Variants in CIDEB observed in about 807,000 individuals in gnomAD.
CIDEB encodes lipid transferase CIDEB.
CIDEB carries 27 observed loss-of-function variants against 22.4 expected under a neutral mutation model. The observed-to-expected ratio is 1.21, with a 90% CI of 0.89 to 1.66. CIDEB has a LOEUF of 1.66. Among genes scored for constraint, CIDEB ranks in the 40% most tolerant of loss-of-function variants. The pLI is 0.00. For missense variants in CIDEB, 289 were observed against 268.7 expected, an observed-to-expected ratio of 1.08 and a Z score of -0.53; for synonymous variants, 103 against 109.5, an observed-to-expected ratio of 0.94 and a Z score of 0.37.
At position 24,305,363 on chromosome 14, in the gene CIDEB, A is replaced by T. The variant is rs2041464101; in HGVS notation, c.*270T>A. The stretch of plus-strand genomic sequence containing the variant: ...TAGCAGCAGTCAGGCTGGGATCAAG[A>T]TGCCTGGGGGACATCTTGATCTTGG... On this transcript the variant is annotated 3_prime_UTR_variant, in exon 5 of 5. Transcript: ENST00000554411. 2 of 564,382 alleles carry T rather than the reference A, an allele frequency of 3.5e-6. No homozygotes were observed. Among genetic ancestry groups the T allele is most frequent in the Admixed American group, 3.7e-5 (1 of 27,336 alleles). 35.0% of individuals were successfully genotyped at this position (564,382 alleles called of 1,614,324 possible).
chr14:24,306,606 T>A lies in CIDEB; in HGVS notation c.187-83A>T, dbSNP rs1488273341. 4.5e-6 allele frequency: 7 copies of A among 1,571,430 alleles called. No individual in the cohort carries two copies. The South Asian group carries it at 6.7e-5, about 15-fold the overall frequency. On this transcript the variant is annotated intron_variant, in intron 2 of 4. Transcript: ENST00000554411. ...AGCTGCCCAACATCCATCAGTTGGC[T>A]CTAGACATTGGTCGATGTCCCACTT... is the stretch of plus-strand genomic sequence containing the variant.
Position 24,306,162 on chromosome 14 carries a change from G to T in CIDEB, c.337-25C>A, listed in dbSNP as rs1348128751. On this transcript the variant is annotated intron_variant, in intron 3 of 4. Coordinates refer to ENST00000554411, the MANE Select transcript of CIDEB (RefSeq NM_001393339.1). ...TCTGTAGGACACCCTTGTCAGTGCA[G>T]TAGATCCTCATACCAGACACCCACC... The T allele has an allele frequency of 1.9e-6, 3 of 1,605,344 alleles. No individual in the cohort carries two copies. In the African/African-American group the frequency reaches 4.0e-5, roughly 21 times the overall value.
At chr14:24,310,526 C>T (rs1366146762), upstream of CIDEB, 13 of 941,760 alleles carry the variant, frequency 1.4e-5, no homozygotes, top group East Asian at 7.7e-5. Flanking sequence ...GAAGTCAGGA[C>T]TCCCAGGCAG....
intron 1 of CIDEB, 105 bp downstream of exon 1, chr14:24,307,713 A>G (rs113632442): frequency 1.5e-6 from 2 of 1,327,778 alleles, no homozygotes; most frequent in African/African-American, 2.9e-5. Context: ...AGTGGGGAGC[A>G]GGAGAGGAAG....
rs148872765 is a variant in CIDEB at position 24,306,420 on chromosome 14, G to C, written c.290C>G (p.Thr97Arg). The change falls in exon 3 of 5, where the codon ACG becomes AGG. Residue 97 changes from threonine to arginine, a missense_variant. Coordinates refer to ENST00000554411, the MANE Select transcript of CIDEB (RefSeq NM_001393339.1). ...EDFFQLLEDD[T>R]CLMVLQSGQS... ...ACCAGACTGCAACACCATCAGGCAC[G>C]TGTCATCCTCCAGCAGCTGGAAGAA... is the stretch of plus-strand genomic sequence containing the variant. The C allele has an allele frequency of 8.7e-6, 14 of 1,614,100 alleles. No homozygotes were observed. The highest frequency in any genetic ancestry group is 1.6e-4 in the Middle Eastern group (1 of 6,082).
chr14:24,310,247 C>T (rs1395943639), upstream of CIDEB: 5 of 501,314 alleles, frequency 1.0e-5, no homozygotes, highest in Non-Finnish European at 1.8e-5. Context: ...CCTGCTTGCT[C>T]CCAGCTTGGT....
chr14:24,311,137 T>A, upstream of CIDEB: 1 of 1,590,894 alleles, frequency 6.3e-7, no homozygotes, highest in African/African-American at 1.4e-5. Flanking sequence ...CCGGCCGCCG[T>A]CTACCGCCAC....
At chr14:24,307,672 G>A in intron 1 of CIDEB, 146 bp downstream of exon 1, 2 of 1,213,350 alleles carry the variant, frequency 1.6e-6, no homozygotes, top group Non-Finnish European at 2.4e-6. Context: ...GTGGGGGCGG[G>A]TGGCTCAGGA....
upstream of CIDEB, chr14:24,311,378 C>A (rs1373183810): frequency 6.2e-7 from 1 of 1,603,276 alleles, no homozygotes; most frequent in Non-Finnish European, 8.5e-7. Flanking sequence ...TGCTCTGGGC[C>A]CCCTACCACG....
rs1385745032 is a variant in CIDEB, at chr14:24,306,535, C to T, written c.187-12G>A. 1 of 1,614,106 alleles carries T rather than the reference C, an allele frequency of 6.2e-7. No homozygotes were observed. The highest frequency in any genetic ancestry group is 1.3e-5 in the African/African-American group (1 of 74,948). On this transcript the variant is annotated splice_polypyrimidine_tract_variant and intron_variant, in intron 2 of 4. Transcript: ENST00000554411. ...AGGGTCTCCAATGCCTGCCCAATGG[C>T]AAGAAGCAAGAAGGGCAGGTCTTAT...
upstream of CIDEB, chr14:24,310,801 C>T (rs77369205): frequency 1.1e-3 from 1,804 of 1,602,676 alleles, 32 homozygotes; most frequent in East Asian, 0.034. Context: ...TGGAGCTTGG[C>T]GGGCTGGCGG....
chr14:24,306,496 C>T lies in CIDEB; in HGVS notation c.214G>A (p.Val72Met). 6.2e-7 allele frequency: 1 copy of T among 1,614,238 alleles called. No homozygotes were observed. The highest frequency in any genetic ancestry group is 2.2e-5 in the East Asian group (1 of 44,886). Residue 72 changes from valine (V) to methionine (M), a missense_variant, in exon 3 of 5, where the codon GTG (valine) becomes ATG (methionine). Physicochemically the swap from Val to Met is conservative, Grantham distance 21. Transcript: ENST00000554411. ...KALETLLLNG[V>M]LTLVLEEDGT... is the part of the protein sequence containing the mutation. ...TCCTCCTCTAGCACCAGGGTTAGCA[C>T]TCCATTCAGCAGTAGGGTCTCCAAT...
Position 24,307,506 on chromosome 14 carries a change from A to G in CIDEB, c.51T>C (p.Ser17=), listed in dbSNP as rs1414607494. ...TCCGTCCAAACTCCGAGCTTATATT[A>G]GATACTGACCTGGTAGTTGAGAAGA... ...LNPSDLLRSV[S]NISSEFGRRV... The change falls in exon 2 of 5, where the codon TCT becomes TCC. Residue 17 remains serine (S), a synonymous_variant. Transcript: ENST00000554411. The G allele has an allele frequency of 6.2e-7, 1 of 1,613,764 alleles. No individual in the cohort carries two copies. The highest frequency in any genetic ancestry group is 8.5e-7 in the Non-Finnish European group (1 of 1,179,848).
Position 24,306,449 on chromosome 14 carries a change from C to T in CIDEB, c.261G>A (p.Glu87=). 2 of 1,614,242 alleles carry T rather than the reference C, an allele frequency of 1.2e-6. No individual in the cohort carries two copies. The highest frequency in any genetic ancestry group is 1.7e-6 in the Non-Finnish European group (2 of 1,180,042). ...CATCCTCCAGCAGCTGGAAGAAGTC[C>T]TCACTGTCCACTGCAGTTCCATCCT... is the stretch of plus-strand genomic sequence containing the variant. ...LEEDGTAVDS[E]DFFQLLEDDT... Residue 87 remains glutamate, a synonymous_variant, in exon 3 of 5, where the codon GAG becomes GAA. Transcript: ENST00000554411.
chr14:24,305,266 T>A lies in CIDEB; in HGVS notation c.*367A>T. ...AAGGGTATGAAGACAGATCTCAAGG[T>A]AAAGTCAGAGAGGGCTGTCATCAGT... On this transcript the variant is annotated 3_prime_UTR_variant, in exon 5 of 5. Transcript: ENST00000554411. 1.4e-6 allele frequency: 1 copy of A among 733,060 alleles called. No individual in the cohort carries two copies. Among genetic ancestry groups the A allele is most frequent in the Non-Finnish European group, 2.0e-6 (1 of 499,270 alleles). The allele number at this position is 733,060 out of a possible 1,614,324, so 45.4% of individuals were successfully genotyped here.
chr14:24,306,917 C>T, intron 2 of CIDEB: 1 of 284,880 alleles, frequency 3.5e-6, no homozygotes, highest in Admixed American at 4.7e-5. Flanking sequence ...TTTTTGAGTC[C>T]TTACTCTGTG....
chr14:24,307,922 T>G lies in CIDEB; in HGVS notation c.-64A>C. The G allele has an allele frequency of 7.1e-7, 1 of 1,407,148 alleles. No individual in the cohort carries two copies. The highest frequency in any genetic ancestry group is 9.9e-7 in the Non-Finnish European group (1 of 1,014,568). 87.2% of individuals were successfully genotyped at this position (1,407,148 alleles called of 1,614,324 possible). A position where few individuals can be genotyped will look rare whatever the true frequency, so the allele number is the denominator to read the frequency against. On this transcript the variant is annotated 5_prime_UTR_variant, in exon 1 of 5. Transcript: ENST00000554411. ...GGGTGGTTCTCTCCTGTGCTGGGGC[T>G]TTAGTGGTGTTTTCTGTTACAAACC...
chr14:24,310,744 T>TAGGA, upstream of CIDEB: 1 of 1,611,578 alleles, frequency 6.2e-7, no homozygotes, highest in Non-Finnish European at 8.5e-7. Context: ...ACAGCCTTCC[T>TAGGA]GCTGCTGGCG....
upstream of CIDEB, chr14:24,311,335 G>A (rs954242020): frequency 1.9e-6 from 3 of 1,603,150 alleles, no homozygotes; most frequent in Admixed American, 1.7e-5. Context: ...CGGGTGGGCC[G>A]GCTGGTGAGC....
Sources: allele counts gnomAD v4.1 joint callset, GRCh38; gene constraint gnomAD v4.1.1; transcripts MANE v1.5; gene names NCBI Gene and HGNC (gene_info 2026-07-23, HGNC 2026-07-21).